UNC5D: variants seen among roughly 807,000 people sequenced by gnomAD.
The protein encoded by UNC5D is netrin receptor UNC5D.
Under a neutral mutation model 105.4 loss-of-function variants are expected in UNC5D, and 39 were observed. The observed-to-expected ratio is 0.37, with a 90% CI of 0.29 to 0.48. The LOEUF (loss-of-function observed/expected upper bound fraction) is 0.48, where lower values mean the gene tolerates loss of function less well. Among genes scored for constraint, UNC5D ranks in the 20% least tolerant of loss-of-function variants. The pLI is 0.98. For synonymous variants in UNC5D, 452 were observed against 450.4 expected, an observed-to-expected ratio of 1.00 and a Z score of -0.04; for missense variants, 991 against 1,202.4, an observed-to-expected ratio of 0.82 and a Z score of 2.60.
chr8:35,486,974 C>T (rs1355550413), intron 1 of UNC5D, among the ~76,000 whole-genome samples: 2 of 152,120 alleles, frequency 1.3e-5, no homozygotes, highest in Admixed American at 1.3e-4. Context: ...AGGGCTCAGG[C>T]TAGACAGTGA....
intron 1 of UNC5D, among the ~76,000 whole-genome samples, chr8:35,284,461 A>C (rs1265401127): frequency 5.9e-5 from 9 of 152,214 alleles, no homozygotes; most frequent in Non-Finnish European, 1.3e-4. Flanking sequence ...TTTCACAGTT[A>C]TCTTTATCCA....
At chr8:35,760,403 A>G (rs1801474776) in intron 14 of UNC5D, among the ~76,000 whole-genome samples, 1 of 151,362 alleles carries the variant, frequency 6.6e-6, no homozygotes, top group Non-Finnish European at 1.5e-5. Flanking sequence ...TATTGTCCAC[A>G]TGTCTCCTAT....
At chr8:35,727,576 G>A (rs1446745562) in intron 10 of UNC5D, 2 of 152,174 alleles carry the variant, frequency 1.3e-5, no homozygotes, top group Non-Finnish European at 2.9e-5. Context: ...GATGAATGTT[G>A]TCTTGTTCTC....
intron 3 of UNC5D, among the ~76,000 whole-genome samples, chr8:35,586,039 G>A (rs1434757884): frequency 2.6e-5 from 4 of 152,054 alleles, no homozygotes; most frequent in Non-Finnish European, 4.4e-5. Context: ...TTGGGAGGCC[G>A]AGGCGGGTGG....
intron 1 of UNC5D, among the ~76,000 whole-genome samples, chr8:35,273,145 T>C (rs1187931030): frequency 1.3e-5 from 2 of 152,226 alleles, no homozygotes; most frequent in African/African-American, 4.8e-5. Flanking sequence ...TGGACTTAAC[T>C]GACAGCATTC....
chr8:35,369,940 T>G (rs1802332740), intron 1 of UNC5D, among the ~76,000 whole-genome samples: 1 of 152,204 alleles, frequency 6.6e-6, no homozygotes, highest in Admixed American at 6.6e-5. Context: ...CTTTTTGCTG[T>G]ACCTTTGTAT....
chr8:35,294,177 T>G (rs2128864564), intron 1 of UNC5D, among the ~76,000 whole-genome samples: 1 of 152,294 alleles, frequency 6.6e-6, no homozygotes, highest in Non-Finnish European at 1.5e-5. Flanking sequence ...ATAAGGGCAA[T>G]GCAAATTTTA....
intron 8 of UNC5D, among the ~76,000 whole-genome samples, chr8:35,715,145 C>G (rs184676964): frequency 7.9e-4 from 121 of 152,206 alleles, no homozygotes; most frequent in African/African-American, 2.9e-3. Context: ...GAGCAAAACT[C>G]TGTCTCAAAA....
intron 1 of UNC5D, among the ~76,000 whole-genome samples, chr8:35,278,134 A>G (rs1805896716): frequency 6.6e-6 from 1 of 152,148 alleles, no homozygotes; most frequent in African/African-American, 2.4e-5. Flanking sequence ...GGTGAAAGCC[A>G]GTCTTCATCT....
intron 2 of UNC5D, among the ~76,000 whole-genome samples, chr8:35,566,636 T>C (rs1462198802): frequency 6.6e-6 from 1 of 152,176 alleles, no homozygotes; most frequent in African/African-American, 2.4e-5. Context: ...ACGCTGACTG[T>C]GGACAAATGA....
intron 1 of UNC5D, among the ~76,000 whole-genome samples, chr8:35,288,080 T>G (rs1806744100): frequency 7.0e-6 from 1 of 142,922 alleles, no homozygotes; most frequent in Non-Finnish European, 1.5e-5. Context: ...TTCCCAAATC[T>G]GGAGACAGAT....
At chr8:35,733,181 G>A (rs144583568) in intron 11 of UNC5D, among the ~76,000 whole-genome samples, 1 of 152,016 alleles carries the variant, frequency 6.6e-6, no homozygotes, top group African/African-American at 2.4e-5. Flanking sequence ...CCTGTCACTG[G>A]GCTAAAGGCC....
chr8:35,460,110 C>T (rs1401251799), intron 1 of UNC5D, among the ~76,000 whole-genome samples: 3 of 152,146 alleles, frequency 2.0e-5, no homozygotes, highest in Admixed American at 1.3e-4. Context: ...CTTTTACATA[C>T]GCAAACTCCA....
chr8:35,535,323 G>A (rs755840315), intron 1 of UNC5D, among the ~76,000 whole-genome samples: 17 of 152,042 alleles, frequency 1.1e-4, no homozygotes, highest in African/African-American at 3.9e-4. Context: ...TCTCCCCGTC[G>A]TTCTTCTTGC....
chr8:35,759,763 A>G (rs60855337), intron 14 of UNC5D, among the ~76,000 whole-genome samples: 4,227 of 152,260 alleles, frequency 0.028, 208 homozygotes, highest in African/African-American at 0.096. Context: ...CAGTTTAACA[A>G]TATAGAGCCA....
At chr8:35,762,439 A>C (rs1223172853) in intron 14 of UNC5D, among the ~76,000 whole-genome samples, 2 of 152,160 alleles carry the variant, frequency 1.3e-5, no homozygotes, top group Non-Finnish European at 2.9e-5. Context: ...AGCTCTTCTG[A>C]GATCTCATTA....
At chr8:35,673,258 A>T (rs1302762103) in intron 4 of UNC5D, among the ~76,000 whole-genome samples, 2 of 152,208 alleles carry the variant, frequency 1.3e-5, no homozygotes, top group African/African-American at 4.8e-5. Context: ...AGGAGAGAGG[A>T]GAGGACAGGT....
chr8:35,657,074 GTGTGTGTATATATATA>G (rs1404872860), intron 4 of UNC5D, among the ~76,000 whole-genome samples: 41 of 96,572 alleles, frequency 4.2e-4, no homozygotes, highest in African/African-American at 1.8e-3. Context: ...GTGTGTGTGT[GTGTGTGTATATATATA>G]TATATATATA....
At chr8:35,436,733 G>A (rs779743663) in intron 1 of UNC5D, among the ~76,000 whole-genome samples, 4 of 151,976 alleles carry the variant, frequency 2.6e-5, no homozygotes, top group African/African-American at 4.8e-5. Context: ...ACCCACAAAT[G>A]CTTAAGGGAC....
Sources: gnomAD v4.1 joint callset for allele counts (sites outside exome capture counted in the v4.1 genomes callset) on GRCh38, gnomAD v4.1.1 for gene constraint, MANE v1.5 for transcripts, NCBI Gene and HGNC (gene_info 2026-07-23, HGNC 2026-07-21) for gene names.